Variants in NCALD observed in about 807,000 individuals in gnomAD.
NCALD encodes neurocalcin-delta.
Under a neutral mutation model 18.6 loss-of-function variants are expected in NCALD, and 10 were observed. The observed-to-expected ratio is 0.54, with a 90% confidence interval of 0.33 to 0.91. The LOEUF (loss-of-function observed/expected upper bound fraction) is 0.91. Among genes scored for constraint, NCALD ranks in the 40% least tolerant of loss-of-function variants. The probability of loss-of-function intolerance (pLI) is 0.03; values close to 1 mark genes in which losing one functional copy is unlikely to be tolerated. For missense variants in NCALD, 184 were observed against 247.6 expected, an observed-to-expected ratio of 0.74 and a Z score of 1.72; for synonymous variants, 88 against 87.4, an observed-to-expected ratio of 1.01 and a Z score of -0.04.
At chr8:102,095,245 A>G (rs1825053607) in intron 1 of NCALD, among the ~76,000 whole-genome samples, 1 of 152,088 alleles carries the variant, frequency 6.6e-6, no homozygotes, top group African/African-American at 2.4e-5. Context: ...GGTGCGAGAG[A>G]TAGAGGGTGG....
chr8:101,866,625 A>T (rs191328799), intron 4 of NCALD, among the ~76,000 whole-genome samples: 2 of 152,238 alleles, frequency 1.3e-5, no homozygotes, highest in South Asian at 2.1e-4. Context: ...AACCAAAACC[A>T]TGGTGCTATT....
At position 101,751,907 on chromosome 8, in the gene NCALD, G is replaced by A. The variant is rs112201569; in HGVS notation, c.-19-32259C>T. Among the ~76,000 whole-genome samples, 1,202 of 152,190 alleles carry A rather than the reference G, an allele frequency of 7.9e-3. 18 individuals are homozygous for A. The highest frequency in any genetic ancestry group is 0.027 in the African/African-American group (1,106 of 41,530). ...TCTTCAGCACATGGTTTATGACCACGAATATTATTTATTTCCAAGTTAGAA... is the reference window on the plus strand; with the variant it reads ...TCTTCAGCACATGGTTTATGACCACAAATATTATTTATTTCCAAGTTAGAA... On this transcript the variant is annotated intron_variant, in intron 1 of 3. Transcript: ENST00000220931.
At chr8:101,969,939 A>G (rs112305203) in intron 2 of NCALD, among the ~76,000 whole-genome samples, 2,963 of 151,886 alleles carry the variant, frequency 0.02, 32 homozygotes, top group South Asian at 0.03. Context: ...GTGTGTGTGC[A>G]CACACATGTG....
intron 1 of NCALD, among the ~76,000 whole-genome samples, chr8:102,080,471 T>C (rs1352193959): frequency 6.6e-6 from 1 of 152,182 alleles, no homozygotes; most frequent in East Asian, 1.9e-4. Context: ...GGGCAAACTA[T>C]TGTTCTGTTC....
At chr8:101,840,059 A>G (rs1814577494) in intron 4 of NCALD, among the ~76,000 whole-genome samples, 1 of 152,090 alleles carries the variant, frequency 6.6e-6, no homozygotes, top group Non-Finnish European at 1.5e-5. Flanking sequence ...TAATAAGGAA[A>G]TGAAGTACTC....
chr8:101,830,068 T>G (rs1814109901), intron 4 of NCALD, among the ~76,000 whole-genome samples: 1 of 147,984 alleles, frequency 6.8e-6, no homozygotes, highest in South Asian at 2.2e-4. Flanking sequence ...CTGTTGAGAA[T>G]CTTATGTTTT....
intron 2 of NCALD, among the ~76,000 whole-genome samples, chr8:102,007,163 G>A (rs1382158713): frequency 6.6e-6 from 1 of 152,084 alleles, no homozygotes; most frequent in Admixed American, 6.5e-5. Flanking sequence ...GGGCAGTAGT[G>A]GAAAAATTGG....
intron 3 of NCALD, among the ~76,000 whole-genome samples, chr8:101,905,262 A>C (rs1586732567): frequency 1.4e-5 from 2 of 143,272 alleles, no homozygotes; most frequent in Admixed American, 6.9e-5. Flanking sequence ...TTCTAGCACC[A>C]ATCTCTCTCC....
At chr8:101,749,171 C>T (rs1810549528) in intron 1 of NCALD, among the ~76,000 whole-genome samples, 1 of 152,264 alleles carries the variant, frequency 6.6e-6, no homozygotes, top group East Asian at 1.9e-4. Flanking sequence ...GAAATAAATC[C>T]TTAACATAAT....
At chr8:101,846,740 T>C (rs570180348) in intron 4 of NCALD, among the ~76,000 whole-genome samples, 4 of 152,278 alleles carry the variant, frequency 2.6e-5, no homozygotes, top group Non-Finnish European at 1.5e-5. Flanking sequence ...GCATTTAAAA[T>C]ACAGATCACT....
chr8:101,696,886 A>C (rs1458860875), intron 2 of NCALD, among the ~76,000 whole-genome samples: 1 of 152,248 alleles, frequency 6.6e-6, no homozygotes. Context: ...CACAATTAAA[A>C]GAGCTAGGGA....
upstream of NCALD, among the ~76,000 whole-genome samples, chr8:101,794,765 A>G (rs1327333145): frequency 1.3e-5 from 2 of 152,256 alleles, no homozygotes; most frequent in Non-Finnish European, 2.9e-5. Flanking sequence ...TTGCCTACCT[A>G]CTGCATAGCA....
chr8:101,989,371 A>G (rs1820956528), intron 2 of NCALD, among the ~76,000 whole-genome samples: 1 of 152,206 alleles, frequency 6.6e-6, no homozygotes, highest in Admixed American at 6.5e-5. Flanking sequence ...ATGCACTACT[A>G]ATTCATCCTA....
chr8:101,778,624 A>C (rs1811888980), intron 1 of NCALD, among the ~76,000 whole-genome samples: 1 of 152,184 alleles, frequency 6.6e-6, no homozygotes, highest in South Asian at 2.1e-4. Context: ...GAGATCCAGA[A>C]GACAAAATTG....
intron 4 of NCALD, among the ~76,000 whole-genome samples, chr8:101,849,071 T>C (rs548906098): frequency 6.6e-6 from 1 of 152,100 alleles, no homozygotes; most frequent in African/African-American, 2.4e-5. Context: ...ATGCATGGAG[T>C]TGGAAGTCGT....
chr8:102,012,251 T>C (rs1000708666), intron 2 of NCALD, among the ~76,000 whole-genome samples: 13 of 152,198 alleles, frequency 8.5e-5, no homozygotes, highest in African/African-American at 3.1e-4. Flanking sequence ...TGTCACCTGA[T>C]TCTCCTACAA....
intron 2 of NCALD, among the ~76,000 whole-genome samples, chr8:101,716,567 AC>A (rs1156610651): frequency 1.3e-5 from 2 of 152,190 alleles, no homozygotes; most frequent in Admixed American, 6.5e-5. Flanking sequence ...TTGCTTATTC[AC>A]CCAGATGTTG....
At chr8:102,074,665 G>A (rs577810457) in intron 1 of NCALD, among the ~76,000 whole-genome samples, 1 of 152,228 alleles carries the variant, frequency 6.6e-6, no homozygotes, top group South Asian at 2.1e-4. Context: ...TCTCACGTCG[G>A]TTCCACAGGA....
intron 1 of NCALD, among the ~76,000 whole-genome samples, chr8:102,095,093 C>T (rs2132389445): frequency 6.6e-6 from 1 of 152,300 alleles, no homozygotes; most frequent in East Asian, 1.9e-4. Context: ...CTTCAGCCTG[C>T]CTTGGCTTTA....
Sources: allele counts gnomAD v4.1 joint callset (sites outside exome capture counted in the v4.1 genomes callset), GRCh38; gene constraint gnomAD v4.1.1; transcripts MANE v1.5; gene names NCBI Gene and HGNC (gene_info 2026-07-23, HGNC 2026-07-21).